The following WWC1 variants were observed in gnomAD, a reference collection of about 807,000 sequenced individuals.
WWC1 encodes WW and C2 domain containing 1, also known as protein KIBRA.
A neutral mutation model predicts 138.4 loss-of-function variants in WWC1; 55 were observed. The observed-to-expected ratio is 0.40, with a 90% confidence interval of 0.32 to 0.50. WWC1 has a LOEUF of 0.50. Ranked by LOEUF, WWC1 falls within the 20% of genes least tolerant of loss-of-function variation. The probability of loss-of-function intolerance (pLI) is 0.72; values close to 1 mark genes in which losing one functional copy is unlikely to be tolerated. For synonymous variants in WWC1, 524 were observed against 564.9 expected (o/e 0.93, Z 1.03); for missense variants, 1,226 against 1,420.4 (o/e 0.86, Z 2.20).
chr5:168,437,732 A>G (rs1754364235), intron 15 of WWC1, among the ~76,000 whole-genome samples: 1 of 152,190 alleles, frequency 6.6e-6, no homozygotes. Context: ...CGCCCCAGAT[A>G]AACAGTATAT....
At chr5:168,357,477 TGTGTGTGTGTGTGTGTGCGCGCGC>T (rs1775529724) in intron 1 of WWC1, among the ~76,000 whole-genome samples, 1 of 137,906 alleles carries the variant, frequency 7.3e-6, no homozygotes, top group African/African-American at 2.9e-5. Context: ...TGTGTGTGTG[TGTGTGTGTGTGTGTGTGCGCGCGC>T]GCACGCATGC....
intron 20 of WWC1, among the ~76,000 whole-genome samples, chr5:168,463,189 A>G (rs1156827383): frequency 1.3e-5 from 2 of 152,224 alleles, no homozygotes; most frequent in African/African-American, 4.8e-5. Context: ...TCCGCTGGTC[A>G]GGAGCTTAAG....
intron 1 of WWC1, among the ~76,000 whole-genome samples, chr5:168,333,765 T>G (rs182585537): frequency 4.6e-5 from 7 of 152,218 alleles, no homozygotes; most frequent in Non-Finnish European, 5.9e-5. Context: ...GACTTAGGAA[T>G]TGCTATCCCT....
At chr5:168,324,605 GA>G (rs529942960) in intron 1 of WWC1, among the ~76,000 whole-genome samples, 10 of 152,048 alleles carry the variant, frequency 6.6e-5, no homozygotes, top group African/African-American at 2.2e-4. Flanking sequence ...TATTGTGGAT[GA>G]TTTTTTTTTT....
At chr5:168,443,159 C>T (rs1754945578) in intron 16 of WWC1, among the ~76,000 whole-genome samples, 1 of 152,182 alleles carries the variant, frequency 6.6e-6, no homozygotes, top group African/African-American at 2.4e-5. Flanking sequence ...CGGTTGTTCC[C>T]TCTGTCGATA....
At chr5:168,341,475 C>G (rs1561633084) in intron 1 of WWC1, among the ~76,000 whole-genome samples, 1 of 152,110 alleles carries the variant, frequency 6.6e-6, no homozygotes, top group Non-Finnish European at 1.5e-5. Context: ...AAAAATCTCT[C>G]CAGCCCCAGG....
chr5:168,362,049 C>T (rs1775919140), intron 1 of WWC1, among the ~76,000 whole-genome samples: 2 of 152,142 alleles, frequency 1.3e-5, no homozygotes, highest in Admixed American at 1.3e-4. Context: ...TGCCAATGCT[C>T]TCCAGCCTGG....
intron 1 of WWC1, among the ~76,000 whole-genome samples, chr5:168,348,775 T>C (rs539664261): frequency 3.9e-5 from 6 of 152,220 alleles, no homozygotes; most frequent in Non-Finnish European, 5.9e-5. Flanking sequence ...AGGAATTTGA[T>C]TGGGGTGGGG....
chr5:168,374,033 G>A (rs62384071), intron 2 of WWC1, among the ~76,000 whole-genome samples: 35,314 of 136,734 alleles, frequency 0.26, 4,609 homozygotes, highest in South Asian at 0.47. Flanking sequence ...GCAACAGAGC[G>A]AGATTCTGTA....
chr5:168,325,482 G>A (rs1474548050), intron 1 of WWC1, among the ~76,000 whole-genome samples: 1 of 152,152 alleles, frequency 6.6e-6, no homozygotes, highest in Non-Finnish European at 1.5e-5. Flanking sequence ...TCAGCACCAG[G>A]TGGGGCAGTG....
In WWC1 at chr5:168,371,375, A is replaced by G. The variant is rs749481476; in HGVS notation, c.120-49A>G. On this transcript the variant is annotated intron_variant, in intron 1 of 22. Coordinates refer to ENST00000265293, the MANE Select transcript of WWC1 (RefSeq NM_015238.3). Reference sequence around the variant, plus strand: ...CACAGGGAAGCAGCAGGTTGCAGGCATTTGGGGACTGTAGGCTGATGGAGT... The same window carrying G: ...CACAGGGAAGCAGCAGGTTGCAGGCGTTTGGGGACTGTAGGCTGATGGAGT... 20 of 1,450,274 alleles carry G rather than the reference A, an allele frequency of 1.4e-5. No homozygotes were observed. In the Admixed American group the frequency reaches 3.1e-4, roughly 22 times the overall value. The allele number at this position is 1,450,274 out of a possible 1,614,324, so 89.8% of individuals were successfully genotyped here. A position where few individuals can be genotyped will look rare whatever the true frequency, so the allele number is the denominator to read the frequency against.
chr5:168,390,854 G>A (rs894505579), intron 3 of WWC1, among the ~76,000 whole-genome samples: 2 of 152,216 alleles, frequency 1.3e-5, no homozygotes, highest in Non-Finnish European at 2.9e-5. Context: ...TGCACCTGTT[G>A]TGTGCCTGGA....
chr5:168,443,960 C>T (rs1390050435), intron 16 of WWC1, among the ~76,000 whole-genome samples: 1 of 152,220 alleles, frequency 6.6e-6, no homozygotes, highest in African/African-American at 2.4e-5. Flanking sequence ...AGGAAACAGT[C>T]TCAGAGAGTT....
chr5:168,381,318 A>G (rs1410625299), intron 2 of WWC1, among the ~76,000 whole-genome samples: 1 of 152,128 alleles, frequency 6.6e-6, no homozygotes, highest in Non-Finnish European at 1.5e-5. Context: ...TCCAGATGAA[A>G]TCCAGAACAC....
intron 1 of WWC1, among the ~76,000 whole-genome samples, chr5:168,317,035 G>C (rs1771664013): frequency 6.6e-6 from 1 of 152,158 alleles, no homozygotes; most frequent in Non-Finnish European, 1.5e-5. Context: ...ACCTCACCCG[G>C]CAGTAGTGAT....
chr5:168,377,946 T>G (rs1777343725), intron 2 of WWC1, among the ~76,000 whole-genome samples: 1 of 152,140 alleles, frequency 6.6e-6, no homozygotes, highest in Non-Finnish European at 1.5e-5. Flanking sequence ...AAAGGAAAGA[T>G]ATCACTCTAC....
At chr5:168,440,139 G>T (rs541493845) in intron 15 of WWC1, among the ~76,000 whole-genome samples, 2 of 152,276 alleles carry the variant, frequency 1.3e-5, no homozygotes, top group East Asian at 3.9e-4. Context: ...TTGAAAAGGG[G>T]AAAGGACTTG....
At chr5:168,429,505 C>T (rs901686480) in intron 13 of WWC1, among the ~76,000 whole-genome samples, 8 of 152,020 alleles carry the variant, frequency 5.3e-5, no homozygotes, top group South Asian at 2.1e-4. Flanking sequence ...ATGATCTGCC[C>T]GCCTTGGCCT....
rs1184760170 is a variant in WWC1, at chr5:168,455,371, A to C, written c.2674A>C (p.Asn892His). 6.3e-7 allele frequency: 1 copy of C among 1,578,870 alleles called. No individual in the cohort carries two copies. Among genetic ancestry groups the C allele is most frequent in the Non-Finnish European group, 8.6e-7 (1 of 1,166,148 alleles). ...YPALKVDKET[N>H]TETPAPSPTV... ...TCTTCCTCAGGTGGACAAAGAGACC[A>C]ACACGGAGACCCCGGCCCCATCCCC... Residue 892 changes from asparagine to histidine, a missense_variant, in exon 19 of 23, where the codon AAC (asparagine) becomes CAC (histidine). Coordinates refer to ENST00000265293, the MANE Select transcript of WWC1 (RefSeq NM_015238.3).
Sources: gnomAD v4.1 joint callset for allele counts (sites outside exome capture counted in the v4.1 genomes callset) on GRCh38, gnomAD v4.1.1 for gene constraint, MANE v1.5 for transcripts, NCBI Gene and HGNC (gene_info 2026-07-23, HGNC 2026-07-21) for gene names.